CDK19: variants seen among roughly 807,000 people sequenced by gnomAD.
The protein encoded by CDK19 is cyclin-dependent kinase 19.
Under a neutral mutation model 68.3 loss-of-function variants are expected in CDK19, and 20 were observed. That is an observed-to-expected ratio of 0.29 (90% CI 0.21 to 0.43). CDK19 has a LOEUF of 0.43. Among genes scored for constraint, CDK19 ranks in the 20% least tolerant of loss-of-function variants. The probability of loss-of-function intolerance (pLI) is 1.00; values close to 1 mark genes in which losing one functional copy is unlikely to be tolerated. For missense variants in CDK19, 339 were observed against 623.5 expected (o/e 0.54, Z 4.86); for synonymous variants, 221 against 222.8 (o/e 0.99, Z 0.07).
chr6:110,738,541 C>T (rs1777420275), intron 2 of CDK19, among the ~76,000 whole-genome samples: 1 of 151,684 alleles, frequency 6.6e-6, no homozygotes, highest in African/African-American at 2.4e-5. Context: ...AATAAACAAC[C>T]AAACAAAATA....
At chr6:110,792,701 A>G (rs2115075949) in intron 1 of CDK19, among the ~76,000 whole-genome samples, 1 of 152,314 alleles carries the variant, frequency 6.6e-6, no homozygotes, top group East Asian at 1.9e-4. Flanking sequence ...CTTTTTTATA[A>G]CAATTCATTA....
chr6:110,740,313 G>C (rs975016691), intron 2 of CDK19, among the ~76,000 whole-genome samples: 1 of 152,130 alleles, frequency 6.6e-6, no homozygotes, highest in Non-Finnish European at 1.5e-5. Flanking sequence ...AAATGTAATA[G>C]ACTTCATATT....
chr6:110,625,103 T>C (rs1562131510), intron 8 of CDK19, among the ~76,000 whole-genome samples: 1 of 152,198 alleles, frequency 6.6e-6, no homozygotes, highest in East Asian at 1.9e-4. Context: ...GGCATACATA[T>C]TTTAAAGCCT....
chr6:110,758,027 A>T (rs2114935815), intron 1 of CDK19, among the ~76,000 whole-genome samples: 1 of 151,974 alleles, frequency 6.6e-6, no homozygotes, highest in South Asian at 2.1e-4. Context: ...CCCCATCTCT[A>T]AAAAAAATTT....
chr6:110,732,783 G>A (rs1175560286), intron 2 of CDK19, among the ~76,000 whole-genome samples: 1 of 152,058 alleles, frequency 6.6e-6, no homozygotes, highest in Non-Finnish European at 1.5e-5. Context: ...ACAACATTTT[G>A]TCCAGGAAGG....
intron 11 of CDK19, 38 bp downstream of exon 11, chr6:110,622,050 T>C: frequency 7.8e-7 from 1 of 1,274,734 alleles, no homozygotes; most frequent in Non-Finnish European, 1.1e-6. Context: ...TTGCCTCCCT[T>C]GCTCTTTGGA....
intron 12 of CDK19, among the ~76,000 whole-genome samples, chr6:110,615,217 G>C (rs1372500553): frequency 6.6e-6 from 1 of 152,092 alleles, no homozygotes; most frequent in Non-Finnish European, 1.5e-5. Context: ...AGCAACATGT[G>C]GGTTTTATAA....
At chr6:110,689,537 T>C (rs1000487809) in intron 2 of CDK19, among the ~76,000 whole-genome samples, 1 of 152,196 alleles carries the variant, frequency 6.6e-6, no homozygotes, top group African/African-American at 2.4e-5. Flanking sequence ...ATTGACATTG[T>C]GGCCAGGAAG....
At chr6:110,811,865 A>G (rs1355982597) in intron 1 of CDK19, among the ~76,000 whole-genome samples, 1 of 150,914 alleles carries the variant, frequency 6.6e-6, no homozygotes, top group Middle Eastern at 3.4e-3. Flanking sequence ...CAAAAAAAGA[A>G]CAACTTTTAA....
At position 110,815,143 on chromosome 6, in the gene CDK19, C is replaced by T; in HGVS notation, c.-7G>A. On this transcript the variant is annotated 5_prime_UTR_variant, in exon 1 of 13. Coordinates refer to ENST00000368911, the MANE Select transcript of CDK19 (RefSeq NM_015076.5). ...CCTTGAAATCATAATCCATTGTCTG[C>T]TTCCCCCATAGAGGCACGGGACGCG... is the stretch of plus-strand genomic sequence containing the variant. The T allele has an allele frequency of 6.3e-7, 1 of 1,590,110 alleles. No homozygotes were observed. The highest frequency in any genetic ancestry group is 1.1e-5 in the South Asian group (1 of 88,530).
chr6:110,671,650 A>G (rs1771019624), intron 2 of CDK19, among the ~76,000 whole-genome samples: 1 of 152,254 alleles, frequency 6.6e-6, no homozygotes, highest in Admixed American at 6.5e-5. Context: ...GCCTGATTGC[A>G]AAGTCCATGC....
chr6:110,783,771 A>G (rs1258866848), intron 1 of CDK19, among the ~76,000 whole-genome samples: 4 of 152,194 alleles, frequency 2.6e-5, no homozygotes, highest in Non-Finnish European at 5.9e-5. Context: ...CACAAGCAAC[A>G]AAAGAAAAAA....
rs9637997 is a variant in CDK19 at position 110,699,087 on chromosome 6, A to G, written c.205-28546T>C. On this transcript the variant is annotated intron_variant, in intron 2 of 12. Transcript: ENST00000368911. ...AAAAAAAAAGTGGTATATATACACC[A>G]TGAAATACTACTCAGTCATAAAAAA... Among the ~76,000 whole-genome samples, 3,132 of 149,788 alleles carry G rather than the reference A, an allele frequency of 0.021. 337 individuals carry two copies. In the East Asian group the frequency reaches 0.35, roughly 17 times the overall value.
intron 1 of CDK19, among the ~76,000 whole-genome samples, chr6:110,786,818 A>G (rs1356066345): frequency 3.9e-5 from 6 of 152,092 alleles, no homozygotes; most frequent in African/African-American, 1.2e-4. Flanking sequence ...CAATCAAGAT[A>G]AAGGGTTCTC....
chr6:110,698,181 A>G (rs1438147325), intron 2 of CDK19, among the ~76,000 whole-genome samples: 4 of 152,190 alleles, frequency 2.6e-5, no homozygotes, highest in Admixed American at 6.5e-5. Context: ...GATTAAACTA[A>G]CAAGTACCTG....
rs1032320381 is a variant in CDK19 at position 110,704,974 on chromosome 6, C to T, written c.205-34433G>A. On this transcript the variant is annotated intron_variant, in intron 2 of 12. Coordinates refer to ENST00000368911, the MANE Select transcript of CDK19 (RefSeq NM_015076.5). The stretch of plus-strand genomic sequence containing the variant: ...AAATGACCCAGGATGGTACAAGCAA[C>T]CAAAAAGATGGTGGTACAATTTAGA... Among the ~76,000 whole-genome samples, 32 of 151,246 alleles carry T rather than the reference C, an allele frequency of 2.1e-4. No homozygotes were observed. In the South Asian group the frequency reaches 6.5e-3, roughly 31 times the overall value.
intron 2 of CDK19, among the ~76,000 whole-genome samples, chr6:110,682,214 A>C (rs1772078579): frequency 6.6e-6 from 1 of 152,202 alleles, no homozygotes; most frequent in Admixed American, 6.5e-5. Context: ...TCTTTTAAGT[A>C]ACAGTGTGAT....
intron 2 of CDK19, among the ~76,000 whole-genome samples, chr6:110,683,662 T>C (rs1772201295): frequency 6.6e-6 from 1 of 151,934 alleles, no homozygotes; most frequent in Admixed American, 6.6e-5. Flanking sequence ...TCCTTGACTA[T>C]GAGAGCATAC....
At chr6:110,667,782 G>C (rs1004573447) in intron 3 of CDK19, among the ~76,000 whole-genome samples, 4 of 152,026 alleles carry the variant, frequency 2.6e-5, no homozygotes, top group Admixed American at 6.6e-5. Context: ...GGGTTATAAT[G>C]ACTAAATTTA....
Sources: gnomAD v4.1 joint callset for allele counts (sites outside exome capture counted in the v4.1 genomes callset) on GRCh38, gnomAD v4.1.1 for gene constraint, MANE v1.5 for transcripts, NCBI Gene and HGNC (gene_info 2026-07-23, HGNC 2026-07-21) for gene names.